Variants in PXDNL observed in about 807,000 individuals in gnomAD.
PXDNL encodes probable oxidoreductase PXDNL.
Under a neutral mutation model 150.8 loss-of-function variants are expected in PXDNL, and 145 were observed. The observed-to-expected ratio is 0.96, with a 90% CI of 0.84 to 1.10. The LOEUF is 1.10. PXDNL is among the 50% of genes least tolerant of loss of function. The pLI, the probability that PXDNL is intolerant of heterozygous loss-of-function variation, is 0.00. For missense variants in PXDNL, 2,087 were observed against 1,873.9 expected (o/e 1.11, Z -2.10); for synonymous variants, 757 against 725.7 (o/e 1.04, Z -0.69).
chr8:51,809,242 C>T lies in PXDNL; in HGVS notation c.103G>A (p.Val35Ile), dbSNP rs908655664. Residue 35 changes from valine (V) to isoleucine (I), a missense_variant, in exon 1 of 23, where the codon GTC becomes ATC. Transcript: ENST00000356297. The part of the protein sequence containing the change: ...PSRCLCFKST[V>I]RCMHLMLDHI... ...TCCAGCATCAAGTGCATGCAGCGGA[C>T]GGTGCTCTTAAAGCAAAGGCACCGG... The T allele has an allele frequency of 1.3e-5, 21 of 1,612,456 alleles. No homozygotes were observed. The highest frequency in any genetic ancestry group is 2.7e-5 in the African/African-American group (2 of 74,870).
intron 1 of PXDNL, among the ~76,000 whole-genome samples, chr8:51,797,680 C>T (rs1428913453): frequency 1.3e-5 from 2 of 151,960 alleles, no homozygotes; most frequent in African/African-American, 2.4e-5. Flanking sequence ...AGAGAGGACA[C>T]AAACAAATGG....
chr8:51,521,132 C>T (rs1438121806), intron 4 of PXDNL, among the ~76,000 whole-genome samples: 1 of 152,098 alleles, frequency 6.6e-6, no homozygotes, highest in African/African-American at 2.4e-5. Flanking sequence ...GTCCCAGCTA[C>T]CTGGGAGGAT....
intron 14 of PXDNL, among the ~76,000 whole-genome samples, chr8:51,417,067 C>T (rs539169484): frequency 3.5e-4 from 54 of 152,218 alleles, no homozygotes; most frequent in African/African-American, 1.3e-3. Context: ...GTTATGTAAG[C>T]AAATCCAATG....
At chr8:51,744,535 G>T (rs1251395414) in intron 1 of PXDNL, among the ~76,000 whole-genome samples, 5 of 149,738 alleles carry the variant, frequency 3.3e-5, no homozygotes, top group African/African-American at 1.2e-4. Context: ...AATTAGCTGG[G>T]CGTGGTGGCA....
chr8:51,776,114 G>C (rs2037350533), intron 1 of PXDNL, among the ~76,000 whole-genome samples: 1 of 152,100 alleles, frequency 6.6e-6, no homozygotes, highest in Admixed American at 6.5e-5. Context: ...AATAAATTTT[G>C]GTCAGACTGG....
At chr8:51,558,876 T>C (rs1373237277) in intron 3 of PXDNL, among the ~76,000 whole-genome samples, 3 of 152,142 alleles carry the variant, frequency 2.0e-5, no homozygotes, top group Non-Finnish European at 2.9e-5. Context: ...ATAGCAGAGT[T>C]TGCAGCAGAG....
chr8:51,461,008 T>A (rs1451948543), intron 8 of PXDNL, among the ~76,000 whole-genome samples: 1 of 152,214 alleles, frequency 6.6e-6, no homozygotes, highest in Admixed American at 6.5e-5. Flanking sequence ...CCCACCCAGC[T>A]GCTCCCATAA....
At chr8:51,371,578 G>A (rs1328585742) in intron 19 of PXDNL, among the ~76,000 whole-genome samples, 1 of 152,166 alleles carries the variant, frequency 6.6e-6, no homozygotes, top group Non-Finnish European at 1.5e-5. Flanking sequence ...CAAGTGATTG[G>A]CATTTGATCT....
intron 21 of PXDNL, among the ~76,000 whole-genome samples, chr8:51,323,821 C>A (rs1805397642): frequency 6.6e-6 from 1 of 151,394 alleles, no homozygotes; most frequent in African/African-American, 2.4e-5. Flanking sequence ...GAGGCTGAGG[C>A]AGGATAATCA....
intron 1 of PXDNL, among the ~76,000 whole-genome samples, chr8:51,687,331 T>G (rs899667720): frequency 2.0e-5 from 3 of 152,294 alleles, no homozygotes; most frequent in Admixed American, 2.0e-4. Context: ...ATTGCATTTC[T>G]AGAAATATGA....
At chr8:51,482,069 C>A (rs1810618032) in intron 6 of PXDNL, among the ~76,000 whole-genome samples, 1 of 152,164 alleles carries the variant, frequency 6.6e-6, no homozygotes, top group African/African-American at 2.4e-5. Flanking sequence ...TTGTACTGTG[C>A]ACCTGGAAAA....
chr8:51,354,179 C>G (rs1806436785), intron 19 of PXDNL, among the ~76,000 whole-genome samples: 2 of 151,918 alleles, frequency 1.3e-5, no homozygotes, highest in Admixed American at 6.6e-5. Flanking sequence ...TATTTGAAAC[C>G]AAATTTCATT....
chr8:51,548,056 A>G (rs1471089786), intron 4 of PXDNL, among the ~76,000 whole-genome samples: 2 of 151,982 alleles, frequency 1.3e-5, no homozygotes, highest in Admixed American at 1.3e-4. Context: ...AGTTTTGAAC[A>G]ATAAAATCAT....
At position 51,320,021 on chromosome 8, in the gene PXDNL, C is replaced by T; in HGVS notation, c.4262G>A (p.Ser1421Asn). 6.7e-7 allele frequency: 1 copy of T among 1,499,698 alleles called. No individual in the cohort carries two copies. Among genetic ancestry groups the T allele is most frequent in the Non-Finnish European group, 8.9e-7 (1 of 1,125,104 alleles). 92.9% of individuals were successfully genotyped at this position (1,499,698 alleles called of 1,614,324 possible). The change falls in exon 23 of 23, where the codon AGT becomes AAT. Residue 1421 changes from serine to asparagine, a missense_variant and splice_region_variant. By Grantham distance (46) the Ser-to-Asn change is conservative (BLOSUM62 1). Coordinates refer to ENST00000356297, the MANE Select transcript of PXDNL (RefSeq NM_144651.5). ...KEDCTHCICE[S>N]GQVTCVVEIC... Reference sequence around the variant, plus strand: ...CTCCACCACACAGGTGACCTGGCCACTCTGAAAGGCAGCATGCACATATCA... The same window carrying T: ...CTCCACCACACAGGTGACCTGGCCATTCTGAAAGGCAGCATGCACATATCA...
At chr8:51,734,555 AAT>A (rs1328845768) in intron 1 of PXDNL, among the ~76,000 whole-genome samples, 15 of 152,232 alleles carry the variant, frequency 9.9e-5, no homozygotes, top group Non-Finnish European at 5.9e-5. Flanking sequence ...TTAACATCTT[AAT>A]ACAAGAGAGA....
chr8:51,558,861 C>A, intron 3 of PXDNL, among the ~76,000 whole-genome samples: 1 of 152,072 alleles, frequency 6.6e-6, no homozygotes, highest in Admixed American at 6.6e-5. Flanking sequence ...GACCAATACA[C>A]TGAGATAGCA....
At chr8:51,575,679 C>A (rs748009606) in intron 3 of PXDNL, among the ~76,000 whole-genome samples, 1 of 152,082 alleles carries the variant, frequency 6.6e-6, no homozygotes, top group Non-Finnish European at 1.5e-5. Context: ...CACACCATTG[C>A]ACTCCAGTCT....
chr8:51,721,365 A>G (rs1449851769), intron 1 of PXDNL, among the ~76,000 whole-genome samples: 1 of 152,240 alleles, frequency 6.6e-6, no homozygotes. Flanking sequence ...CAAAAACTAA[A>G]AACAGCTGCA....
chr8:51,789,954 C>G (rs1413986402), intron 1 of PXDNL, among the ~76,000 whole-genome samples: 1 of 152,022 alleles, frequency 6.6e-6, no homozygotes, highest in African/African-American at 2.4e-5. Context: ...ATTTTTTTCA[C>G]TATTTTTCAA....
Sources: gnomAD v4.1 joint callset for allele counts (sites outside exome capture counted in the v4.1 genomes callset) on GRCh38, gnomAD v4.1.1 for gene constraint, MANE v1.5 for transcripts, NCBI Gene and HGNC (gene_info 2026-07-23, HGNC 2026-07-21) for gene names.